The following ZFP64 variants were observed in gnomAD, a reference collection of about 807,000 sequenced individuals.
The protein encoded by ZFP64 is zinc finger protein 64.
In ZFP64, 14 loss-of-function variants were observed where a neutral mutation model predicts 51.6. The observed-to-expected ratio is 0.27, with a 90% confidence interval of 0.18 to 0.42. The LOEUF (loss-of-function observed/expected upper bound fraction) is 0.42. Among genes scored for constraint, ZFP64 ranks in the 10% least tolerant of loss-of-function variants. The probability of loss-of-function intolerance (pLI) is 1.00; values close to 1 mark genes in which losing one functional copy is unlikely to be tolerated. For synonymous variants in ZFP64, 375 were observed against 361.4 expected, an observed-to-expected ratio of 1.04 and a Z score of -0.43; for missense variants, 754 against 906.8, an observed-to-expected ratio of 0.83 and a Z score of 2.16.
intron 7 of ZFP64, among the ~76,000 whole-genome samples, chr20:52,093,384 C>A (rs537205757): frequency 1.7e-3 from 252 of 152,318 alleles, no homozygotes; most frequent in Admixed American, 2.9e-3. Flanking sequence ...AGGTGATCTG[C>A]CTGCCTCAGC....
chr20:52,131,684 T>C (rs761906896), intron 5 of ZFP64, among the ~76,000 whole-genome samples: 13 of 152,344 alleles, frequency 8.5e-5, no homozygotes, highest in South Asian at 6.2e-4. Context: ...GTTTTAAATA[T>C]ATATGCATCC....
chr20:52,088,834 A>G, intron 7 of ZFP64: 1 of 763,644 alleles, frequency 1.3e-6, no homozygotes, highest in East Asian at 2.6e-5. Context: ...TAGTTCAGAA[A>G]TCCTAAGGGA....
chr20:52,139,899 CA>C (rs572768164), intron 5 of ZFP64, among the ~76,000 whole-genome samples: 229 of 138,752 alleles, frequency 1.7e-3, no homozygotes, highest in Non-Finnish European at 2.8e-3. Context: ...CCGCATCAAA[CA>C]AGTCTTACGG....
chr20:52,159,188 C>T (rs2122992071), intron 5 of ZFP64, among the ~76,000 whole-genome samples: 1 of 152,350 alleles, frequency 6.6e-6, no homozygotes, highest in East Asian at 1.9e-4. Context: ...TATTATACAA[C>T]ACTGAGATTT....
In ZFP64 at chr20:52,085,928, C is replaced by A. The variant is rs1454149972; in HGVS notation, c.1229-662G>T. ...CTGCTTTAAACGTCAGTTGAATATA[C>A]ACAAAGATAAGCATCTTATCCTACA... is the stretch of plus-strand genomic sequence containing the variant. On this transcript the variant is annotated intron_variant, in intron 8 of 8. Transcript: ENST00000361387. The surrounding 1 kb of genome is among the most constrained non-coding windows in gnomAD (Gnocchi z 4.3). Among the ~76,000 whole-genome samples the A allele has an allele frequency of 6.6e-6, 1 of 152,142 alleles. No homozygotes were observed. The highest frequency in any genetic ancestry group is 1.5e-5 in the Non-Finnish European group (1 of 68,026).
chr20:52,178,347 A>G (rs563621994), intron 2 of ZFP64, among the ~76,000 whole-genome samples: 20 of 152,210 alleles, frequency 1.3e-4, no homozygotes, highest in Non-Finnish European at 2.9e-4. Flanking sequence ...TGGACAAGTT[A>G]TTTAACCCCT....
At chr20:52,164,994 C>A (rs1197730145) in intron 3 of ZFP64, 1 of 648,864 alleles carries the variant, frequency 1.5e-6, no homozygotes, top group South Asian at 1.5e-5. Context: ...TAAACCCAAA[C>A]TGAGGCCCTT....
chr20:52,179,281 C>T (rs1983451268), intron 2 of ZFP64, among the ~76,000 whole-genome samples: 1 of 152,152 alleles, frequency 6.6e-6, no homozygotes, highest in Admixed American at 6.6e-5. Flanking sequence ...TCCAATAAAC[C>T]TCTTTCTTTT....
At chr20:52,086,423 G>A (rs980114090) in intron 8 of ZFP64, among the ~76,000 whole-genome samples, 3 of 151,646 alleles carry the variant, frequency 2.0e-5, no homozygotes, top group Admixed American at 2.0e-4. Context: ...CTTGAAAGAA[G>A]GAATCTCAAT....
Position 52,191,649 on chromosome 20 carries a change from GGAGGT to G in ZFP64, c.-18_-14del. On this transcript the variant is annotated 5_prime_UTR_variant, in exon 1 of 6. Transcript: ENST00000216923. This position sits in a 1 kb window ranked among gnomAD's most constrained non-coding sequence, Gnocchi z 4.3. ...TGCTCGCGTTCATGGCCGCAGACTGGGAGGTCCCCGGCCGGCCGGGATGCCAAAGT... is the reference window on the plus strand; with the variant it reads ...TGCTCGCGTTCATGGCCGCAGACTGGCCCCGGCCGGCCGGGATGCCAAAGT... The G allele has an allele frequency of 1.9e-6, 3 of 1,582,154 alleles. No homozygotes were observed. Among genetic ancestry groups the G allele is most frequent in the Non-Finnish European group, 1.7e-6 (2 of 1,167,602 alleles).
intron 5 of ZFP64, among the ~76,000 whole-genome samples, chr20:52,129,320 G>A (rs1568668036): frequency 6.6e-6 from 1 of 150,998 alleles, no homozygotes; most frequent in East Asian, 2.0e-4. Flanking sequence ...AGCCAGGGTG[G>A]AATTTTTTTG....
At chr20:52,141,744 T>C (rs1417507705) in intron 5 of ZFP64, among the ~76,000 whole-genome samples, 1 of 152,206 alleles carries the variant, frequency 6.6e-6, no homozygotes, top group East Asian at 1.9e-4. Context: ...CAACTTAAAA[T>C]ATTACATAGC....
At chr20:52,137,047 G>A (rs989711770) in intron 5 of ZFP64, among the ~76,000 whole-genome samples, 1 of 152,186 alleles carries the variant, frequency 6.6e-6, no homozygotes, top group African/African-American at 2.4e-5. Flanking sequence ...TTACAGGTGT[G>A]AGCCACCGTG....
chr20:52,180,361 G>T (rs1983528322), intron 2 of ZFP64, among the ~76,000 whole-genome samples: 1 of 152,030 alleles, frequency 6.6e-6, no homozygotes, highest in African/African-American at 2.4e-5. Flanking sequence ...CTAGTTCACT[G>T]CCCTTGGAAT....
At chr20:52,183,240 G>C (rs1983736749) in intron 2 of ZFP64, among the ~76,000 whole-genome samples, 1 of 152,188 alleles carries the variant, frequency 6.6e-6, no homozygotes. Context: ...GCATCAGCCA[G>C]GCCAAGGTGG....
intron 5 of ZFP64, among the ~76,000 whole-genome samples, chr20:52,142,318 A>C (rs1263649672): frequency 6.6e-6 from 1 of 151,264 alleles, no homozygotes; most frequent in Non-Finnish European, 1.5e-5. Flanking sequence ...CAGTGAGCCG[A>C]GATTACGCCA....
chr20:52,176,541 C>T (rs1983233371), intron 2 of ZFP64, among the ~76,000 whole-genome samples: 1 of 143,458 alleles, frequency 7.0e-6, no homozygotes, highest in African/African-American at 2.6e-5. Flanking sequence ...CTCGCTCTGT[C>T]GCCCAGGCCG....
At chr20:52,145,631 C>T (rs1325961802) in intron 5 of ZFP64, among the ~76,000 whole-genome samples, 1 of 152,046 alleles carries the variant, frequency 6.6e-6, no homozygotes, top group Non-Finnish European at 1.5e-5. Flanking sequence ...AGAGTAATAC[C>T]CTTTCTCAAA....
intron 5 of ZFP64, chr20:52,105,281 C>CA (rs1204552155): frequency 5.9e-5 from 76 of 1,281,082 alleles, no homozygotes; most frequent in Non-Finnish European, 6.9e-5. Context: ...GAGTGGCCTA[C>CA]TTCACACAAC....
Sources: gnomAD v4.1 joint callset for allele counts (sites outside exome capture counted in the v4.1 genomes callset) on GRCh38, gnomAD v4.1.1 for gene constraint, Gnocchi (gnomAD v3.1) non-coding constraint, MANE v1.5 for transcripts, NCBI Gene and HGNC (gene_info 2026-07-23, HGNC 2026-07-21) for gene names.